Variants in RPL6 observed in about 807,000 individuals in gnomAD.
RPL6 encodes the protein ribosomal protein L6, also known as large ribosomal subunit protein eL6.
RPL6 carries 1 observed loss-of-function variant against 32.1 expected under a neutral mutation model. The ratio of observed to expected loss-of-function variants is 0.03; its 90% CI spans 0.01 to 0.15. RPL6 has a LOEUF of 0.15. Ranked by LOEUF, RPL6 falls within the 10% of genes least tolerant of loss-of-function variation. The pLI, the probability that RPL6 is intolerant of heterozygous loss-of-function variation, is 1.00. For synonymous variants in RPL6, 126 were observed against 131.6 expected (o/e 0.96, Z 0.29); for missense variants, 275 against 354.6 (o/e 0.78, Z 1.80).
chr12:112,408,684 A>G (rs1426599421), intron 1 of RPL6, 28 bp from the exon 2 acceptor site: 3 of 1,539,572 alleles, frequency 1.9e-6, no homozygotes, highest in Non-Finnish European at 2.6e-6. Flanking sequence ...TAGATAAAAA[A>G]AGGCATTTCA....
In RPL6 at chr12:112,405,841, G is replaced by T; in HGVS notation, c.714+12C>A. 1 of 1,606,206 alleles carries T rather than the reference G, an allele frequency of 6.2e-7. No homozygotes were observed. Among genetic ancestry groups the T allele is most frequent in the Non-Finnish European group, 8.5e-7 (1 of 1,175,854 alleles). On this transcript the variant is annotated intron_variant, in intron 6 of 6. Transcript: ENST00000202773. ...CCAGTGCTAACACAGGAGATGACAA[G>T]TAGAAACTTACCTCTTTTTCTGTGT...
In RPL6 at chr12:112,405,289, G is replaced by C. The variant is rs2037127145; in HGVS notation, c.802C>G (p.Gln268Glu). 6.2e-7 allele frequency: 1 copy of C among 1,609,808 alleles called. No individual in the cohort carries two copies. Among genetic ancestry groups the C allele is most frequent in the Non-Finnish European group, 8.5e-7 (1 of 1,178,670 alleles). ...LPKIKAIPQL[Q>E]GYLRSVFALT... The stretch of plus-strand genomic sequence containing the variant: ...GCAAACACAGATCGCAGGTAGCCCT[G>C]GAGCTGAGGAATAGCTTTGATTTTT... Residue 268 changes from glutamine (Q) to glutamate (E), a missense_variant, in exon 7 of 7, where the codon CAG (glutamine) becomes GAG (glutamate). Transcript: ENST00000202773.
At chr12:112,406,145 A>G (rs1045650821) in intron 5 of RPL6, 108 bp from the exon 6 acceptor site, 38 of 1,223,862 alleles carry the variant, frequency 3.1e-5, no homozygotes, top group Non-Finnish European at 4.5e-5. Flanking sequence ...CCACTTGTCT[A>G]ACCCACTTGC....
At chr12:112,409,693 A>G (rs1041690804), upstream of RPL6, 42 of 392,208 alleles carry the variant, frequency 1.1e-4, no homozygotes, top group Non-Finnish European at 1.1e-4. Context: ...TGGGGAATGT[A>G]GTATTTCCCC....
chr12:112,418,600 T>A (rs2037458181), intron 1 of RPL6: 1 of 246,238 alleles, frequency 4.1e-6, no homozygotes. Flanking sequence ...TCGGAGACAG[T>A]AGGTAATTTC....
intron 4 of RPL6, 65 bp downstream of exon 4, chr12:112,406,682 A>G: frequency 1.9e-6 from 3 of 1,595,268 alleles, no homozygotes; most frequent in Non-Finnish European, 2.6e-6. Flanking sequence ...CCTAGCGTGC[A>G]AACGCATTGC....
chr12:112,413,180 A>T (rs1236479062), upstream of RPL6, among the ~76,000 whole-genome samples: 1 of 152,180 alleles, frequency 6.6e-6, no homozygotes, highest in African/African-American at 2.4e-5. Context: ...TTGAGAAAGA[A>T]ATTCAAATAA....
chr12:112,406,705 C>G, intron 4 of RPL6, 42 bp downstream of exon 4: 2 of 1,609,272 alleles, frequency 1.2e-6, no homozygotes, highest in Non-Finnish European at 1.7e-6. Flanking sequence ...CCAGGCACCC[C>G]AGGCAGCTGC....
chr12:112,408,701 A>C, intron 1 of RPL6, 45 bp from the exon 2 acceptor site: 1 of 1,488,750 alleles, frequency 6.7e-7, no homozygotes, highest in Non-Finnish European at 9.0e-7. Flanking sequence ...TTCACCAGTC[A>C]TCTCTCTAAC....
chr12:112,417,207 G>A (rs144639620), intron 1 of RPL6, among the ~76,000 whole-genome samples: 1 of 152,082 alleles, frequency 6.6e-6, no homozygotes, highest in African/African-American at 2.4e-5. Flanking sequence ...ACAGGTGTGC[G>A]CCACCAAGCC....
At chr12:112,412,282 G>A (rs2037350375), upstream of RPL6, among the ~76,000 whole-genome samples, 1 of 151,932 alleles carries the variant, frequency 6.6e-6, no homozygotes, top group Non-Finnish European at 1.5e-5. Flanking sequence ...CTCGTGATCT[G>A]CCCGCCTCGA....
Position 112,405,323 on chromosome 12 carries a change from T to C in RPL6, c.768A>G (p.Gln256=). ...GAATAGCTTTGATTTTTGGTAAAATTTGTGAGTCCACAGCTTTCTGATCAA... is the reference window on the plus strand; with the variant it reads ...GAATAGCTTTGATTTTTGGTAAAATCTGTGAGTCCACAGCTTTCTGATCAA... ...RKIDQKAVDS[Q]ILPKIKAIPQ... Residue 256 remains glutamine (Q), a synonymous_variant, in exon 7 of 7, where the codon CAA becomes CAG. Transcript: ENST00000202773. 6.2e-7 allele frequency: 1 copy of C among 1,611,634 alleles called. No homozygotes were observed. The highest frequency in any genetic ancestry group is 8.5e-7 in the Non-Finnish European group (1 of 1,179,508).
upstream of RPL6, among the ~76,000 whole-genome samples, chr12:112,413,955 T>C (rs1410862409): frequency 6.6e-6 from 1 of 151,024 alleles, no homozygotes; most frequent in Non-Finnish European, 1.5e-5. Flanking sequence ...GAACCCACAA[T>C]GATGTTGAAA....
At chr12:112,406,200 G>T in intron 5 of RPL6, 94 bp downstream of exon 5, 1 of 1,263,548 alleles carries the variant, frequency 7.9e-7, no homozygotes, top group Non-Finnish European at 1.1e-6. Flanking sequence ...GGCAATAAGT[G>T]TCTACCATGT....
chr12:112,412,138 C>T (rs1212105820), upstream of RPL6, among the ~76,000 whole-genome samples: 1 of 152,168 alleles, frequency 6.6e-6, no homozygotes, highest in African/African-American at 2.4e-5. Flanking sequence ...CTCCCGGGTT[C>T]ACGCCATTCT....
At chr12:112,412,923 CAAATAAATAAATAAAT>C (rs55801942), upstream of RPL6, among the ~76,000 whole-genome samples, 8 of 146,322 alleles carry the variant, frequency 5.5e-5, no homozygotes, top group Non-Finnish European at 6.0e-5. Flanking sequence ...GACTCTGTCT[CAAATAAATAAATAAAT>C]AAATAAATAA....
chr12:112,407,113 G>A (rs1479203286), intron 3 of RPL6: 3 of 469,726 alleles, frequency 6.4e-6, no homozygotes, highest in African/African-American at 6.0e-5. Context: ...TGAGATGTGT[G>A]CTCAAGCAAA....
rs529005349 is a variant in RPL6, at chr12:112,408,057, C to T, written c.336+183G>A. 6.0e-5 allele frequency: 36 copies of T among 600,930 alleles called. No homozygotes were observed. The Middle Eastern group carries it at 1.3e-3, about 22-fold the overall frequency. The allele number at this position is 600,930 out of a possible 1,614,324, so 37.2% of individuals were successfully genotyped here. A position where few individuals can be genotyped will look rare whatever the true frequency, so the allele number is the denominator to read the frequency against. On this transcript the variant is annotated intron_variant, in intron 3 of 6. Coordinates refer to ENST00000202773, the MANE Select transcript of RPL6 (RefSeq NM_000970.6). ...TATATGCAAAGGAACAAAGCACAGA[C>T]GAGTAATTTAAATTACTTAAGATTA...
intron 1 of RPL6, among the ~76,000 whole-genome samples, chr12:112,417,727 G>C (rs926516243): frequency 6.6e-6 from 1 of 151,078 alleles, no homozygotes; most frequent in African/African-American, 2.4e-5. Flanking sequence ...GCGCGATCTC[G>C]GCTTTCAGCA....
Sources: gnomAD v4.1 joint callset for allele counts (sites outside exome capture counted in the v4.1 genomes callset) on GRCh38, gnomAD v4.1.1 for gene constraint, MANE v1.5 for transcripts, NCBI Gene and HGNC (gene_info 2026-07-23, HGNC 2026-07-21) for gene names.